The following NLGN1 variants were observed in gnomAD, a reference collection of about 807,000 sequenced individuals.
NLGN1 encodes the protein neuroligin 1.
In NLGN1, 12 loss-of-function variants were observed where a neutral mutation model predicts 65.5. The ratio of observed to expected loss-of-function variants is 0.18; its 90% CI spans 0.12 to 0.30. NLGN1 has a LOEUF of 0.30. Ranked by LOEUF, NLGN1 falls within the 10% of genes least tolerant of loss-of-function variation. NLGN1 has a pLI of 1.00. For missense variants in NLGN1, 750 were observed against 1,007.1 expected, an observed-to-expected ratio of 0.74 and a Z score of 3.46; for synonymous variants, 350 against 359.5, an observed-to-expected ratio of 0.97 and a Z score of 0.30.
rs1168837585 is a variant in NLGN1 at position 174,116,330 on chromosome 3, C to CTTTTTTTTTTTTTTTTTT, written c.647-158975_647-158958dup. On this transcript the variant is annotated intron_variant, in intron 4 of 6. Coordinates refer to ENST00000457714, the Ensembl canonical transcript of NLGN1. ...ACATGTAAGTTTTTTTCTGGGTTTT[C>CTTTTTTTTTTTTTTTTTT]TTTTTTTTTTTTTTTTTTTTTTTTT... Among the ~76,000 whole-genome samples, 30 of 69,650 alleles carry CTTTTTTTTTTTTTTTTTT rather than the reference C, an allele frequency of 4.3e-4. 14 individuals are homozygous for CTTTTTTTTTTTTTTTTTT. Among genetic ancestry groups the CTTTTTTTTTTTTTTTTTT allele is most frequent in the South Asian group, 1.1e-3 (2 of 1,842 alleles). The allele number at this position is 69,650 out of a possible 152,430, so 45.7% of individuals were successfully genotyped here. A position where few individuals can be genotyped will look rare whatever the true frequency, so the allele number is the denominator to read the frequency against.
chr3:173,563,713 A>G (rs1015922504), intron 2 of NLGN1, among the ~76,000 whole-genome samples: 3 of 152,104 alleles, frequency 2.0e-5, no homozygotes, highest in Middle Eastern at 3.4e-3. Context: ...TATATTATAA[A>G]TCTTTTGGGA....
chr3:173,954,528 G>A (rs2152334703), intron 4 of NLGN1, among the ~76,000 whole-genome samples: 1 of 152,224 alleles, frequency 6.6e-6, no homozygotes, highest in South Asian at 2.1e-4. Flanking sequence ...AGTGGAATCA[G>A]CATTTCACAA....
chr3:174,212,169 G>A (rs993764149), intron 4 of NLGN1, among the ~76,000 whole-genome samples: 2 of 152,316 alleles, frequency 1.3e-5, no homozygotes, highest in Admixed American at 1.3e-4. Flanking sequence ...CCGGTGGGCC[G>A]GCACTGCTGG....
At chr3:173,779,086 A>G (rs1336238150) in intron 3 of NLGN1, among the ~76,000 whole-genome samples, 3 of 151,670 alleles carry the variant, frequency 2.0e-5, no homozygotes, top group Non-Finnish European at 3.0e-5. Flanking sequence ...ATTGTGCTTA[A>G]TGTATTTTAT....
In NLGN1 at chr3:173,604,324, C is replaced by A; in HGVS notation, c.-275C>A. 1 of 412,714 alleles carries A rather than the reference C, an allele frequency of 2.4e-6. No homozygotes were observed. Among genetic ancestry groups the A allele is most frequent in the Non-Finnish European group, 4.3e-6 (1 of 230,282 alleles). The allele number at this position is 412,714 out of a possible 1,614,324, so 25.6% of individuals were successfully genotyped here. ...TGGATTTGATTTATAAGAGAGAAATCTGCAGTCAATGCCCACTCTTGCCAC... is the reference window on the plus strand; with the variant it reads ...TGGATTTGATTTATAAGAGAGAAATATGCAGTCAATGCCCACTCTTGCCAC... On this transcript the variant is annotated 5_prime_UTR_variant, in exon 3 of 7. In the 5' UTR this introduces an upstream ATG that the reference lacks. Transcript: ENST00000457714.
intron 2 of NLGN1, among the ~76,000 whole-genome samples, chr3:173,470,829 T>C (rs2148925772): frequency 6.6e-6 from 1 of 152,268 alleles, no homozygotes; most frequent in African/African-American, 2.4e-5. Context: ...TTCATCTTCA[T>C]ATCTCCAGCC....
intron 3 of NLGN1, among the ~76,000 whole-genome samples, chr3:173,804,669 A>AC (rs1716234432): frequency 6.6e-6 from 1 of 151,472 alleles, no homozygotes; most frequent in African/African-American, 2.4e-5. Context: ...AAAAAAAAAA[A>AC]AAACCCTATA....
At chr3:174,253,433 T>C (rs1745125450) in intron 4 of NLGN1, among the ~76,000 whole-genome samples, 1 of 152,208 alleles carries the variant, frequency 6.6e-6, no homozygotes, top group Admixed American at 6.5e-5. Context: ...TATCAGTCTC[T>C]GTGCCTTCCG....
At chr3:173,948,376 T>C (rs1747577826) in intron 4 of NLGN1, among the ~76,000 whole-genome samples, 1 of 152,192 alleles carries the variant, frequency 6.6e-6, no homozygotes, top group African/African-American at 2.4e-5. Context: ...TGCCAGATTA[T>C]CCAACATGTG....
intron 2 of NLGN1, among the ~76,000 whole-genome samples, chr3:173,452,452 C>T (rs145121840): frequency 2.7e-4 from 41 of 152,284 alleles, no homozygotes; most frequent in Non-Finnish European, 5.1e-4. Flanking sequence ...TCCCAAAGTG[C>T]AGGATTACAG....
At chr3:173,982,356 T>C (rs1718957015) in intron 4 of NLGN1, among the ~76,000 whole-genome samples, 1 of 152,098 alleles carries the variant, frequency 6.6e-6, no homozygotes, top group East Asian at 1.9e-4. Context: ...AATATTTAAT[T>C]ATTACATATT....
intron 4 of NLGN1, among the ~76,000 whole-genome samples, chr3:174,266,181 T>C (rs974518645): frequency 1.3e-5 from 2 of 151,994 alleles, no homozygotes; most frequent in Non-Finnish European, 2.9e-5. Context: ...TAGTATCTGA[T>C]AGTTTTTTCA....
intron 2 of NLGN1, among the ~76,000 whole-genome samples, chr3:173,542,277 G>T (rs1056739158): frequency 6.6e-6 from 1 of 151,894 alleles, no homozygotes; most frequent in Non-Finnish European, 1.5e-5. Context: ...TATGTATGCA[G>T]ACTCTGCAGA....
chr3:173,850,736 G>A (rs1726759628), intron 4 of NLGN1, among the ~76,000 whole-genome samples: 1 of 151,442 alleles, frequency 6.6e-6, no homozygotes, highest in South Asian at 2.1e-4. Flanking sequence ...ATTTTGTTTT[G>A]TTGTTGTTTT....
intron 4 of NLGN1, among the ~76,000 whole-genome samples, chr3:174,181,778 T>C (rs925974904): frequency 4.2e-5 from 6 of 142,588 alleles, no homozygotes; most frequent in African/African-American, 1.3e-4. Context: ...AAAATAAAAA[T>C]ACACACACAC....
At chr3:173,539,440 T>C (rs1738060256) in intron 2 of NLGN1, among the ~76,000 whole-genome samples, 1 of 146,012 alleles carries the variant, frequency 6.8e-6, no homozygotes, top group South Asian at 2.1e-4. Context: ...CATATATATG[T>C]ACATGTATAT....
intron 1 of NLGN1, among the ~76,000 whole-genome samples, chr3:173,417,594 G>A (rs1389492719): frequency 1.3e-5 from 2 of 151,584 alleles, no homozygotes; most frequent in African/African-American, 2.4e-5. Context: ...ATTATTTTGA[G>A]TTGCTTAATT....
At chr3:174,121,685 T>G (rs367652706) in intron 4 of NLGN1, among the ~76,000 whole-genome samples, 1 of 152,196 alleles carries the variant, frequency 6.6e-6, no homozygotes, top group African/African-American at 2.4e-5. Flanking sequence ...CTGAATTTTT[T>G]ATCAAAAAAT....
At chr3:173,536,581 A>G (rs539679906) in intron 2 of NLGN1, among the ~76,000 whole-genome samples, 1 of 152,324 alleles carries the variant, frequency 6.6e-6, no homozygotes, top group South Asian at 2.1e-4. Flanking sequence ...TGGAGAACCA[A>G]TACCTTACAT....
Sources: allele counts gnomAD v4.1 joint callset (sites outside exome capture counted in the v4.1 genomes callset), GRCh38; gene constraint gnomAD v4.1.1; transcripts MANE v1.5; gene names NCBI Gene and HGNC (gene_info 2026-07-23, HGNC 2026-07-21).